The following OMD variants were observed in gnomAD, a reference collection of about 807,000 sequenced individuals.
The protein encoded by OMD is KSPG osteomodulin.
In OMD, 19 loss-of-function variants were observed where a neutral mutation model predicts 31.2. That is an observed-to-expected ratio of 0.61 (90% CI 0.42 to 0.89). OMD has a LOEUF of 0.89. OMD is among the 40% of genes least tolerant of loss of function. OMD has a pLI of 0.00. For missense variants in OMD, 448 were observed against 490.8 expected (o/e 0.91, Z 0.82); for synonymous variants, 155 against 166.4 (o/e 0.93, Z 0.53).
rs1367999944 is a variant in OMD, at chr9:92,415,435, T to C, written c.983A>G (p.His328Arg). 1.9e-6 allele frequency: 3 copies of C among 1,613,086 alleles called. No homozygotes were observed. The Admixed American group carries it at 5.0e-5, about 27-fold the overall frequency. ...ACGAATGTATGTTAAATGGTGGTAA[T>C]GTAGTGGGTCAATAGAAGGACACAT... is the stretch of plus-strand genomic sequence containing the variant. ...TVMCPSIDPL[H>R]YHHLTYIRVD... The change falls in exon 3 of 3, where the codon CAT (histidine) becomes CGT (arginine). Residue 328 changes from histidine to arginine, a missense_variant. His to Arg is a conservative substitution (Grantham distance 29, BLOSUM62 0). Coordinates refer to ENST00000375550, the MANE Select transcript of OMD (RefSeq NM_005014.3).
intron 1 of OMD, among the ~76,000 whole-genome samples, chr9:92,420,657 T>A (rs1843762753): frequency 6.6e-6 from 1 of 152,180 alleles, no homozygotes; most frequent in African/African-American, 2.4e-5. Context: ...TTTTTTTAAG[T>A]CAAGAAAATA....
chr9:92,417,366 C>T lies in OMD; in HGVS notation c.193G>A (p.Glu65Lys), dbSNP rs1386118565. 5 of 1,614,062 alleles carry T rather than the reference C, an allele frequency of 3.1e-6. No homozygotes were observed. The highest frequency in any genetic ancestry group is 4.2e-6 in the Non-Finnish European group (5 of 1,179,990). The part of the protein sequence containing the change: ...FHQYTLGCVS[E>K]CFCPTNFPSS... ...GGAAAGTTAGTTGGACAGAAGCATT[C>T]ACTGACACAGCCTAAAGTATACTGA... Residue 65 changes from glutamate (E) to lysine (K), a missense_variant, in exon 2 of 3, where the codon GAA becomes AAA. By Grantham distance (56) the Glu-to-Lys change is moderately conservative. Coordinates refer to ENST00000375550, the MANE Select transcript of OMD (RefSeq NM_005014.3).
rs1406027325 is a variant in OMD at position 92,412,889 on chromosome 9, A to G, written c.*2263T>C. 6.8e-6 allele frequency among the ~76,000 whole-genome samples: 1 copy of G among 147,038 alleles called. No homozygotes were observed. Among genetic ancestry groups the G allele is most frequent in the Non-Finnish European group, 1.5e-5 (1 of 67,240 alleles). On this transcript the variant is annotated 3_prime_UTR_variant, in exon 3 of 3. Transcript: ENST00000375550. Reference sequence around the variant, plus strand: ...GTGGATAATGCTGCTGTGGACATTTATATGCAAATTTTGGTGTGAACATGT... The same window carrying G: ...GTGGATAATGCTGCTGTGGACATTTGTATGCAAATTTTGGTGTGAACATGT...
chr9:92,415,563 A>G lies in OMD; in HGVS notation c.941-86T>C, dbSNP rs1187487856. The G allele has an allele frequency of 2.0e-5, 12 of 591,384 alleles. No individual in the cohort carries two copies. In the East Asian group the frequency reaches 3.3e-4, roughly 17 times the overall value. The allele number at this position is 591,384 out of a possible 1,614,324, so 36.6% of individuals were successfully genotyped here. A position where few individuals can be genotyped will look rare whatever the true frequency, so the allele number is the denominator to read the frequency against. Reference sequence around the variant, plus strand: ...AATTCTATGTTAGATTTTATATTGTATGGGATATAATTCTGTTAATTAAAA... The same window carrying G: ...AATTCTATGTTAGATTTTATATTGTGTGGGATATAATTCTGTTAATTAAAA... On this transcript the variant is annotated intron_variant, in intron 2 of 2. Transcript: ENST00000375550.
rs1398419026 is a variant in OMD at position 92,412,402 on chromosome 9, A to G, written c.*2750T>C. Among the ~76,000 whole-genome samples the G allele has an allele frequency of 6.6e-6, 1 of 152,174 alleles. No individual in the cohort carries two copies. The highest frequency in any genetic ancestry group is 1.5e-5 in the Non-Finnish European group (1 of 68,028). On this transcript the variant is annotated 3_prime_UTR_variant, in exon 3 of 3. Coordinates refer to ENST00000375550, the MANE Select transcript of OMD (RefSeq NM_005014.3). ...GCACCCAGCCTAAAGTATACAATTT[A>G]ATAGTACTTAGTGTTTTTGCATTTG...
chr9:92,422,343 C>G (rs1843833152), intron 1 of OMD, among the ~76,000 whole-genome samples: 2 of 152,168 alleles, frequency 1.3e-5, no homozygotes, highest in African/African-American at 4.8e-5. Context: ...TGTGAGCCAC[C>G]TGCCTGGCTG....
intron 2 of OMD, 145 bp from the exon 3 acceptor site, chr9:92,415,622 T>G (rs931858636): frequency 2.8e-5 from 11 of 386,714 alleles, no homozygotes; most frequent in Admixed American, 9.0e-5. Context: ...CCTTTTTATA[T>G]TAATCAAATA....
intron 1 of OMD, among the ~76,000 whole-genome samples, chr9:92,420,373 G>C (rs915346126): frequency 6.6e-6 from 1 of 151,988 alleles, no homozygotes; most frequent in Non-Finnish European, 1.5e-5. Flanking sequence ...AAACTTTCTG[G>C]CTCCTTCAAT....
chr9:92,417,635 T>C (rs952119743), intron 1 of OMD, 61 bp from the exon 2 acceptor site: 1 of 853,082 alleles, frequency 1.2e-6, no homozygotes, highest in Non-Finnish European at 1.8e-6. Context: ...ATACGCTTTG[T>C]ATAAATTCTC....
chr9:92,423,618 C>T (rs917080960), intron 1 of OMD, among the ~76,000 whole-genome samples: 62 of 151,946 alleles, frequency 4.1e-4, no homozygotes, highest in Admixed American at 1.3e-4. Context: ...AGCCATAATA[C>T]ATTTAAATCG....
rs374194082 is a variant in OMD at position 92,417,434 on chromosome 9, C to A, written c.125G>T (p.Gly42Val). 1.1e-3 allele frequency: 1,852 copies of A among 1,614,052 alleles called. 49 individuals are homozygous for A. In the South Asian group the frequency reaches 0.019, roughly 17 times the overall value. The change falls in exon 2 of 3, where the codon GGA becomes GTA. Residue 42 changes from glycine to valine, a missense_variant. Transcript: ENST00000375550. ...DQEPDDDYQTGFPFRQNVDYG... is the reference protein window; with the variant it reads ...DQEPDDDYQTVFPFRQNVDYG... ...GTCTACATTTTGACGAAATGGGAAT[C>A]CTGTTTGGTAATCATCATCTGGCTC...
intron 1 of OMD, among the ~76,000 whole-genome samples, chr9:92,422,443 C>T (rs1416512658): frequency 6.6e-6 from 1 of 152,086 alleles, no homozygotes; most frequent in Non-Finnish European, 1.5e-5. Flanking sequence ...GTCTGTTGTT[C>T]AACAACTATG....
Position 92,417,333 on chromosome 9 carries a change from T to C in OMD, c.226A>G (p.Met76Val), listed in dbSNP as rs1843645221. 1 of 1,613,984 alleles carries C rather than the reference T, an allele frequency of 6.2e-7. No individual in the cohort carries two copies. The highest frequency in any genetic ancestry group is 8.5e-7 in the Non-Finnish European group (1 of 1,179,930). ...TTGAGTTTGCGATTATCACAGTACA[T>C]TGATGATGGAAAGTTAGTTGGACAG... ...CFCPTNFPSS[M>V]YCDNRKLKTI... Residue 76 changes from methionine (M) to valine (V), a missense_variant, in exon 2 of 3, where the codon ATG (methionine) becomes GTG (valine). By Grantham distance (21) the Met-to-Val change is conservative. Transcript: ENST00000375550.
At chr9:92,419,549 T>G (rs573402663) in intron 1 of OMD, among the ~76,000 whole-genome samples, 1 of 152,260 alleles carries the variant, frequency 6.6e-6, no homozygotes, top group East Asian at 1.9e-4. Flanking sequence ...TCCACCCACC[T>G]TGGGCTCCCA....
rs1336493060 is a variant in OMD at position 92,417,044 on chromosome 9, T to C, written c.515A>G (p.Asn172Ser). The change falls in exon 2 of 3, where the codon AAT (asparagine) becomes AGT (serine). Residue 172 changes from asparagine to serine, a missense_variant. Transcript: ENST00000375550. ...ATTTGTCTGCAGTTTGGAGATTTCA[T>C]TGTAACCAAGAAGGAGTCTTTCCAG... The part of the protein sequence containing the change: ...KSLERLLLGY[N>S]EISKLQTNAM... 4.3e-6 allele frequency: 7 copies of C among 1,613,914 alleles called. No individual in the cohort carries two copies. Among genetic ancestry groups the C allele is most frequent in the African/African-American group, 1.3e-5 (1 of 74,916 alleles).
rs536270291 is a variant in OMD, at chr9:92,413,554, C to T, written c.*1598G>A. 6.6e-5 allele frequency among the ~76,000 whole-genome samples: 10 copies of T among 152,166 alleles called. No homozygotes were observed. The South Asian group carries it at 1.9e-3, about 28-fold the overall frequency. ...TCTAAAACACCTATAGTATTTTCCA[C>T]GTATTAACTCTTAATGTTTGAATTT... On this transcript the variant is annotated 3_prime_UTR_variant, in exon 3 of 3. Coordinates refer to ENST00000375550, the MANE Select transcript of OMD (RefSeq NM_005014.3).
Position 92,412,532 on chromosome 9 carries a change from C to T in OMD, c.*2620G>A, listed in dbSNP as rs1268963325. Among the ~76,000 whole-genome samples, 1 of 152,206 alleles carries T rather than the reference C, an allele frequency of 6.6e-6. No individual in the cohort carries two copies. The highest frequency in any genetic ancestry group is 2.4e-5 in the African/African-American group (1 of 41,454). ...TCACTTTCCCCATTCCCATGATCCC[C>T]AGCTCTAGGCAACCAATAGTCTTTG... On this transcript the variant is annotated 3_prime_UTR_variant, in exon 3 of 3. Transcript: ENST00000375550.
At chr9:92,421,902 C>T (rs1400094439) in intron 1 of OMD, among the ~76,000 whole-genome samples, 1 of 152,038 alleles carries the variant, frequency 6.6e-6, no homozygotes, top group Non-Finnish European at 1.5e-5. Context: ...CTTACGGAGA[C>T]AGGAAAGTCT....
Position 92,412,515 on chromosome 9 carries a change from C to G in OMD, c.*2637G>C, listed in dbSNP as rs536234989. 6.6e-6 allele frequency among the ~76,000 whole-genome samples: 1 copy of G among 152,260 alleles called. No individual in the cohort carries two copies. Among genetic ancestry groups the G allele is most frequent in the African/African-American group, 2.4e-5 (1 of 41,544 alleles). Reference sequence around the variant, plus strand: ...CCATTAGCAGTTACTTCTCACTTTCCCCATTCCCATGATCCCCAGCTCTAG... The same window carrying G: ...CCATTAGCAGTTACTTCTCACTTTCGCCATTCCCATGATCCCCAGCTCTAG... On this transcript the variant is annotated 3_prime_UTR_variant, in exon 3 of 3. Coordinates refer to ENST00000375550, the MANE Select transcript of OMD (RefSeq NM_005014.3).
Sources: allele counts gnomAD v4.1 joint callset (sites outside exome capture counted in the v4.1 genomes callset), GRCh38; gene constraint gnomAD v4.1.1; transcripts MANE v1.5; gene names NCBI Gene and HGNC (gene_info 2026-07-23, HGNC 2026-07-21).